COL26A1: variants seen among roughly 807,000 people sequenced by gnomAD.
COL26A1 encodes collagen type XXVI alpha 1 chain.
Under a neutral mutation model 59.3 loss-of-function variants are expected in COL26A1, and 41 were observed. The observed-to-expected ratio is 0.69, with a 90% CI of 0.54 to 0.90. The LOEUF is 0.90. COL26A1 is among the 40% of genes least tolerant of loss of function. The probability of loss-of-function intolerance (pLI) is 0.00; values close to 1 mark genes in which losing one functional copy is unlikely to be tolerated. For missense variants in COL26A1, 612 were observed against 602.3 expected (o/e 1.02, Z -0.17); for synonymous variants, 266 against 256.0 (o/e 1.04, Z -0.37).
chr7:101,538,829 G>A (rs1181790715), intron 4 of COL26A1, among the ~76,000 whole-genome samples: 1 of 152,202 alleles, frequency 6.6e-6, no homozygotes, highest in Admixed American at 6.5e-5. Flanking sequence ...GGGCACTGCA[G>A]AACTGGTGAG....
intron 10 of COL26A1, among the ~76,000 whole-genome samples, chr7:101,552,903 ATC>A (rs1554346033): frequency 6.6e-6 from 1 of 152,172 alleles, no homozygotes; most frequent in Non-Finnish European, 1.5e-5. Context: ...GTGAAACTCC[ATC>A]TCAAATAAAT....
At chr7:101,540,803 C>T (rs1486260876) in intron 5 of COL26A1, among the ~76,000 whole-genome samples, 1 of 152,046 alleles carries the variant, frequency 6.6e-6, no homozygotes, top group Non-Finnish European at 1.5e-5. Flanking sequence ...GATCATGCCA[C>T]TGCAATCCAG....
chr7:101,399,976 G>C (rs574855669), intron 1 of COL26A1, among the ~76,000 whole-genome samples: 1 of 152,328 alleles, frequency 6.6e-6, no homozygotes, highest in South Asian at 2.1e-4. Context: ...GTAAGTCTCT[G>C]CTCTCAGGGA....
intron 2 of COL26A1, among the ~76,000 whole-genome samples, chr7:101,443,872 C>CTTTTTTTTTTTTT (rs11352431): frequency 3.2e-5 from 4 of 124,744 alleles, no homozygotes; most frequent in African/African-American, 1.2e-4. Flanking sequence ...TTTTTCTTTT[C>CTTTTTTTTTTTTT]TTTTTTTTTT....
At chr7:101,533,252 G>T in intron 4 of COL26A1, 109 bp downstream of exon 4, 1 of 825,376 alleles carries the variant, frequency 1.2e-6, no homozygotes, top group Non-Finnish European at 2.0e-6. Flanking sequence ...CCAGCCCCGG[G>T]TTTCCAAGCA....
rs1584338902 is a variant in COL26A1, at chr7:101,363,142, A to G, written c.110A>G (p.Tyr37Cys). 7.2e-7 allele frequency: 1 copy of G among 1,382,608 alleles called. No individual in the cohort carries two copies. Among genetic ancestry groups the G allele is most frequent in the Non-Finnish European group, 9.4e-7 (1 of 1,063,646 alleles). 85.6% of individuals were successfully genotyped at this position (1,382,608 alleles called of 1,614,324 possible). ...GCCGCAGCTCTGCAGCAGCACGGCT[A>G]CCCCGAGCCCGGCGCCGGCTCCCCT... ...FSAAALQQHGYPEPGAGSPGS... is the reference protein window; with the variant it reads ...FSAAALQQHGCPEPGAGSPGS... The change falls in exon 1 of 13, where the codon TAC becomes TGC. Residue 37 changes from tyrosine to cysteine, a missense_variant. Physicochemically the swap from Tyr to Cys is radical, Grantham distance 194 (BLOSUM62 -2). Transcript: ENST00000313669.
Position 101,533,140 on chromosome 7 carries a change from C to A in COL26A1, c.444C>A (p.Ala148=). ...DMSERLTTLE[A]KVLLLEAAER... Reference sequence around the variant, plus strand: ...GTGAGCGACTGACCACACTGGAGGCCAAGGTCAGTCGGGCTGGGGAGTCTG... The same window carrying A: ...GTGAGCGACTGACCACACTGGAGGCAAAGGTCAGTCGGGCTGGGGAGTCTG... Residue 148 remains alanine (A), a synonymous_variant, in exon 4 of 13, where the codon GCC becomes GCA. Transcript: ENST00000313669. 6.2e-7 allele frequency: 1 copy of A among 1,601,940 alleles called. No individual in the cohort carries two copies.
At chr7:101,387,165 A>G (rs955283179) in intron 1 of COL26A1, among the ~76,000 whole-genome samples, 2 of 151,878 alleles carry the variant, frequency 1.3e-5, no homozygotes, top group African/African-American at 4.8e-5. Context: ...GCAAGCTGAC[A>G]CTCCCAAGAG....
At position 101,365,820 on chromosome 7, in the gene COL26A1, G is replaced by C. The variant is rs1331100309; in HGVS notation, c.158+2630G>C. 3.2e-3 allele frequency among the ~76,000 whole-genome samples: 474 copies of C among 149,436 alleles called. 2 individuals are homozygous for C. Among genetic ancestry groups the C allele is most frequent in the African/African-American group, 0.011 (462 of 41,048 alleles). ...TTTTGTAATTAAAAGGTGTGGGAAG[G>C]AAAAAAAAAAAGGTGTTTGCAGCCT... On this transcript the variant is annotated intron_variant, in intron 1 of 12. Coordinates refer to ENST00000313669, the MANE Select transcript of COL26A1 (RefSeq NM_001278563.3).
chr7:101,404,444 A>G (rs1455117832), intron 1 of COL26A1, among the ~76,000 whole-genome samples: 1 of 152,122 alleles, frequency 6.6e-6, no homozygotes, highest in Non-Finnish European at 1.5e-5. Flanking sequence ...TCCCCCCCCA[A>G]ATGGCTTTGG....
intron 3 of COL26A1, among the ~76,000 whole-genome samples, chr7:101,467,685 G>T (rs1793796785): frequency 6.6e-6 from 1 of 151,914 alleles, no homozygotes; most frequent in Non-Finnish European, 1.5e-5. Context: ...GGCTAACACG[G>T]TGAAACCCTG....
chr7:101,520,664 C>CACACACACACACACACA lies in COL26A1; in HGVS notation c.386-12418_386-12417insACACACACACACACACA, dbSNP rs1554341000. On this transcript the variant is annotated intron_variant, in intron 3 of 12. Transcript: ENST00000313669. ...CACACACACACACACACACACACAC[C>CACACACACACACACACA]CCCGTGTTCTTGCATGTTTTTGCTC... 1.5e-3 allele frequency among the ~76,000 whole-genome samples: 143 copies of CACACACACACACACACA among 95,944 alleles called. 1 individual carries two copies. Among genetic ancestry groups the CACACACACACACACACA allele is most frequent in the African/African-American group, 4.5e-3 (97 of 21,320 alleles). 62.9% of individuals were successfully genotyped at this position (95,944 alleles called of 152,430 possible). A position where few individuals can be genotyped will look rare whatever the true frequency, so the allele number is the denominator to read the frequency against.
intron 11 of COL26A1, among the ~76,000 whole-genome samples, chr7:101,555,021 T>C (rs188606089): frequency 9.8e-5 from 15 of 152,292 alleles, no homozygotes; most frequent in Admixed American, 2.6e-4. Flanking sequence ...GACAGATCTG[T>C]CATGTTACAC....
In COL26A1 at chr7:101,552,930, C is replaced by A. The variant is rs570503607; in HGVS notation, c.1030-396C>A. Among the ~76,000 whole-genome samples, 14 of 152,238 alleles carry A rather than the reference C, an allele frequency of 9.2e-5. No individual in the cohort carries two copies. In the East Asian group the frequency reaches 2.7e-3, roughly 29 times the overall value. The stretch of plus-strand genomic sequence containing the variant: ...CTCAAATAAATAAATAAATAAAATA[C>A]AATAAAATATGTGACTTTGAATCTG... On this transcript the variant is annotated intron_variant, in intron 10 of 12. Coordinates refer to ENST00000313669, the MANE Select transcript of COL26A1 (RefSeq NM_001278563.3).
chr7:101,553,507 A>C, intron 11 of COL26A1, 131 bp downstream of exon 11: 1 of 782,052 alleles, frequency 1.3e-6, no homozygotes, highest in Non-Finnish European at 2.0e-6. Context: ...CACCGGGTGT[A>C]CAGGGCCCCT....
intron 1 of COL26A1, among the ~76,000 whole-genome samples, chr7:101,383,910 T>C (rs1791505436): frequency 6.6e-6 from 1 of 152,196 alleles, no homozygotes; most frequent in African/African-American, 2.4e-5. Context: ...CCTCAGCTGA[T>C]CTGCCCACCT....
intron 11 of COL26A1, 99 bp from the exon 12 acceptor site, chr7:101,555,688 G>A (rs531628305): frequency 3.9e-6 from 3 of 769,088 alleles, no homozygotes; most frequent in Non-Finnish European, 6.4e-6. Context: ...AGAGGCAGGG[G>A]TGGGGGGCTT....
chr7:101,422,907 C>T (rs1451449651), intron 2 of COL26A1, among the ~76,000 whole-genome samples: 3 of 152,192 alleles, frequency 2.0e-5, no homozygotes, highest in Non-Finnish European at 4.4e-5. Context: ...TCTCAAATTG[C>T]TGGGATTACA....
chr7:101,558,458 C>G lies in COL26A1; in HGVS notation c.*928C>G, dbSNP rs1465177223. The G allele has an allele frequency of 1.3e-5, 2 of 152,258 alleles. No homozygotes were observed. Among genetic ancestry groups the G allele is most frequent in the African/African-American group, 2.4e-5 (1 of 41,450 alleles). 9.4% of individuals were successfully genotyped at this position (152,258 alleles called of 1,614,324 possible). A position where few individuals can be genotyped will look rare whatever the true frequency, so the allele number is the denominator to read the frequency against. On this transcript the variant is annotated 3_prime_UTR_variant, in exon 13 of 13. Transcript: ENST00000313669. ...GTCTATCAGAGGTGGGACTTGCAGC[C>G]TCTGCCCCACGAGTTTGTCTCTCAG...
Sources: allele counts gnomAD v4.1 joint callset (sites outside exome capture counted in the v4.1 genomes callset), GRCh38; gene constraint gnomAD v4.1.1; transcripts MANE v1.5; gene names NCBI Gene and HGNC (gene_info 2026-07-23, HGNC 2026-07-21).